Variants in SIGLEC5 observed in about 807,000 individuals in gnomAD.
SIGLEC5 encodes sialic acid-binding Ig-like lectin 5.
A neutral mutation model predicts 45.9 loss-of-function variants in SIGLEC5; 34 were observed. The ratio of observed to expected loss-of-function variants is 0.74; its 90% CI spans 0.56 to 0.99. SIGLEC5 has a LOEUF of 0.99. SIGLEC5 is among the 50% of genes least tolerant of loss of function. The pLI, the probability that SIGLEC5 is intolerant of heterozygous loss-of-function variation, is 0.00. For synonymous variants in SIGLEC5, 203 were observed against 258.6 expected (o/e 0.79, Z 2.06); for missense variants, 508 against 629.6 (o/e 0.81, Z 2.07).
In SIGLEC5 at chr19:51,627,871, CA is replaced by C. The variant is rs770422511; in HGVS notation, c.959del (p.Leu320ArgfsTer8). The C allele has an allele frequency of 5.0e-5, 80 of 1,610,590 alleles. No homozygotes were observed. In the Admixed American group the frequency reaches 1.3e-3, roughly 27 times the overall value. ...GATTCAGAAAAATTTGCAGGAAGCCCAGCGGGTGCTGAGCGCGGCAGGTGAA... is the reference window on the plus strand; with the variant it reads ...GATTCAGAAAAATTTGCAGGAAGCCCGCGGGTGCTGAGCGCGGCAGGTGAA... The part of the protein sequence containing the change: ...GGFTCRAQHP[L>X]GFLQIFLNLS... On this transcript the variant is annotated frameshift_variant, in exon 5 of 9. Transcript: ENST00000683636. LOFTEE classifies it high-confidence loss of function.
intron 8 of SIGLEC5, among the ~76,000 whole-genome samples, chr19:51,616,119 A>G (rs1983045560): frequency 6.6e-6 from 1 of 152,176 alleles, no homozygotes; most frequent in Non-Finnish European, 1.5e-5. Context: ...ACAGGCCAGC[A>G]TCTGCCCTTC....
At chr19:51,618,578 G>T (rs1230356383) in intron 8 of SIGLEC5, among the ~76,000 whole-genome samples, 1 of 151,198 alleles carries the variant, frequency 6.6e-6, no homozygotes, top group African/African-American at 2.4e-5. Context: ...GATCACTTGA[G>T]CCCAGGAGTT....
chr19:51,623,975 A>T (rs918600615), intron 8 of SIGLEC5, among the ~76,000 whole-genome samples: 16 of 151,974 alleles, frequency 1.1e-4, no homozygotes, highest in African/African-American at 3.9e-4. Context: ...ACTGGCCAAC[A>T]TGGTGAAACC....
Position 51,629,394 on chromosome 19 carries a change from CCT to C in SIGLEC5, c.662_663del (p.Gln221ArgfsTer49). 1 of 1,613,996 alleles carries C rather than the reference CCT, an allele frequency of 6.2e-7. No individual in the cohort carries two copies. Among genetic ancestry groups the C allele is most frequent in the South Asian group, 1.1e-5 (1 of 91,056 alleles). ...AGCTGGACAGTTCTCTCCGTGGTCA[CCT>C]GAGCTCCTTGGCGTTTCATCTGACA... ...LTCQMKRQGA[Q>X]VTTERTVQLN... On this transcript the variant is annotated frameshift_variant, in exon 3 of 9. Coordinates refer to ENST00000683636, the MANE Select transcript of SIGLEC5 (RefSeq NM_003830.4). LOFTEE classifies it high-confidence loss of function.
Position 51,612,076 on chromosome 19 carries a change from A to T in SIGLEC5, c.*155T>A. ...AGTGCCAGGGCCTAGATTTGAGCCC[A>T]CCTCTCTAATTCCATCTGCTTGGAG... is the stretch of plus-strand genomic sequence containing the variant. On this transcript the variant is annotated 3_prime_UTR_variant, in exon 9 of 9. Coordinates refer to ENST00000683636, the MANE Select transcript of SIGLEC5 (RefSeq NM_003830.4). 1 of 56,808 alleles carries T rather than the reference A, an allele frequency of 1.8e-5. No homozygotes were observed. The highest frequency in any genetic ancestry group is 3.4e-5 in the Non-Finnish European group (1 of 29,736). 3.5% of individuals were successfully genotyped at this position (56,808 alleles called of 1,614,324 possible).
intron 8 of SIGLEC5, among the ~76,000 whole-genome samples, chr19:51,613,531 G>A (rs994928104): frequency 6.6e-6 from 1 of 152,062 alleles, no homozygotes; most frequent in African/African-American, 2.4e-5. Context: ...AGGGCAGACA[G>A]GGCTGGGTTC....
At chr19:51,629,333 C>T (rs371549495) in intron 3 of SIGLEC5, 25 bp downstream of exon 3, 2 of 1,613,590 alleles carry the variant, frequency 1.2e-6, no homozygotes, top group African/African-American at 2.7e-5. Context: ...CTTGAGGACT[C>T]AGCTGTGTCC....
chr19:51,628,192 T>A, intron 4 of SIGLEC5, 101 bp from the exon 5 acceptor site: 1 of 1,326,394 alleles, frequency 7.5e-7, no homozygotes, highest in Non-Finnish European at 1.0e-6. Flanking sequence ...CTCCCTCTCC[T>A]CCCCTGGCCT....
At chr19:51,614,913 C>A (rs544061375) in intron 8 of SIGLEC5, among the ~76,000 whole-genome samples, 1 of 152,250 alleles carries the variant, frequency 6.6e-6, no homozygotes, top group East Asian at 1.9e-4. Context: ...CTCCTTGTAA[C>A]AATCCGAGAC....
At chr19:51,628,937 G>T in intron 4 of SIGLEC5, 101 bp downstream of exon 4, 2 of 1,190,572 alleles carry the variant, frequency 1.7e-6, no homozygotes, top group Non-Finnish European at 2.4e-6. Context: ...TCTCATTCTT[G>T]CTCTTCCCAA....
intron 8 of SIGLEC5, among the ~76,000 whole-genome samples, chr19:51,616,088 C>A (rs1983044268): frequency 6.6e-6 from 1 of 152,186 alleles, no homozygotes. Flanking sequence ...CCTGTCATTT[C>A]TTTGGCTCAG....
intron 7 of SIGLEC5, 55 bp from the exon 8 acceptor site, chr19:51,626,168 G>T: frequency 7.0e-7 from 1 of 1,423,682 alleles, no homozygotes; most frequent in Non-Finnish European, 9.9e-7. Flanking sequence ...CGGGTTAGCG[G>T]GTTGTCCCAT....
At chr19:51,627,424 C>G in intron 6 of SIGLEC5, 38 bp downstream of exon 6, 1 of 1,580,840 alleles carries the variant, frequency 6.3e-7, no homozygotes, top group East Asian at 2.2e-5. Flanking sequence ...CCATGCCCCT[C>G]CCCTCAGGCC....
Position 51,611,746 on chromosome 19 carries a change from G to A in SIGLEC5, c.*485C>T, listed in dbSNP as rs1227264330. Among the ~76,000 whole-genome samples the A allele has an allele frequency of 3.3e-5, 5 of 152,184 alleles. No individual in the cohort carries two copies. The highest frequency in any genetic ancestry group is 2.9e-5 in the Non-Finnish European group (2 of 68,022). On this transcript the variant is annotated 3_prime_UTR_variant, in exon 9 of 9. Coordinates refer to ENST00000683636, the MANE Select transcript of SIGLEC5 (RefSeq NM_003830.4). ...CATGAACCAAGTGCCAGGCTGAGGG[G>A]CTGGTCTTTCCTAGGGAGTCTTCGA...
chr19:51,621,338 C>T (rs1157655372), intron 8 of SIGLEC5: 2 of 152,182 alleles, frequency 1.3e-5, no homozygotes, highest in Non-Finnish European at 2.9e-5. Flanking sequence ...TCAAACCATC[C>T]ATAGTCACAA....
intron 8 of SIGLEC5, among the ~76,000 whole-genome samples, chr19:51,613,307 G>A (rs1982929462): frequency 6.6e-6 from 1 of 152,298 alleles, no homozygotes; most frequent in African/African-American, 2.4e-5. Context: ...TCCCATTCAA[G>A]GCCGGGCTAG....
chr19:51,628,012 G>T lies in SIGLEC5; in HGVS notation c.819C>A (p.Ser273Arg), dbSNP rs771516172. The T allele has an allele frequency of 3.1e-6, 5 of 1,610,006 alleles. No individual in the cohort carries two copies. The African/African-American group carries it at 5.4e-5, about 17-fold the overall frequency. Residue 273 changes from serine to arginine, a missense_variant, in exon 5 of 9, where the codon AGC becomes AGA. Ser to Arg is a moderately radical substitution (Grantham distance 110). Transcript: ENST00000683636. ...ACCAGCTCAGGTGTGCAGGGGGGTT[G>T]CTGGGAGCATCACAGAGCAGCCGCA... ...QALRLLCDAP[S>R]NPPAHLSWFQ...
In SIGLEC5 at chr19:51,629,489, G is replaced by A. The variant is rs1454339494; in HGVS notation, c.569C>T (p.Pro190Leu). The A allele has an allele frequency of 2.5e-6, 4 of 1,611,002 alleles. No homozygotes were observed. In the South Asian group the frequency reaches 4.4e-5, roughly 18 times the overall value. Reference sequence around the variant, plus strand: ...GAGCTCCGAGGAGCGGGTGGTCTCGGGGTCCAGGGGGCTGAGGGCATTCCC... The same window carrying A: ...GAGCTCCGAGGAGCGGGTGGTCTCGAGGTCCAGGGGGCTGAGGGCATTCCC... The part of the protein sequence containing the change: ...WTGNALSPLD[P>L]ETTRSSELTL... The change falls in exon 3 of 9, where the codon CCC becomes CTC. Residue 190 changes from proline (P) to leucine (L), a missense_variant. This residue lies in a region of SIGLEC5 where 77 missense variants were observed against 200.8 expected (regional missense o/e 0.38). Coordinates refer to ENST00000683636, the MANE Select transcript of SIGLEC5 (RefSeq NM_003830.4).
rs200100855 is a variant in SIGLEC5 at position 51,612,247 on chromosome 19, A to G, written c.1640T>C (p.Ile547Thr). Residue 547 changes from isoleucine (I) to threonine (T), a missense_variant, in exon 9 of 9, where the codon ATC (isoleucine) becomes ACC (threonine). By Grantham distance (89) the Ile-to-Thr change is moderately conservative. Transcript: ENST00000683636. ...EAPSTTEYSE[I>T]KTSK The stretch of plus-strand genomic sequence containing the variant: ...GGCAAATCCTCACTTGCTTGTCTTG[A>G]TCTCCGAGTACTCCGTGGTGCTTGG... 2.9e-4 allele frequency: 460 copies of G among 1,601,082 alleles called. 2 individuals carry two copies. Among genetic ancestry groups the G allele is most frequent in the Middle Eastern group, 2.3e-3 (12 of 5,220 alleles).
Sources: allele counts gnomAD v4.1 joint callset (sites outside exome capture counted in the v4.1 genomes callset), GRCh38; gene constraint gnomAD v4.1.1; regional missense constraint gnomAD v4.1.1; transcripts MANE v1.5; gene names NCBI Gene and HGNC (gene_info 2026-07-23, HGNC 2026-07-21).